Variants in RGS5 observed in about 807,000 individuals in gnomAD.
RGS5 encodes regulator of G-protein signalling 5.
RGS5 carries 20 observed loss-of-function variants against 18.9 expected under a neutral mutation model. The ratio of observed to expected loss-of-function variants is 1.06; its 90% CI spans 0.74 to 1.54. The LOEUF is 1.54. RGS5 is among the 40% of genes most tolerant of loss of function. The pLI is 0.00. For synonymous variants in RGS5, 57 were observed against 76.2 expected (o/e 0.75, Z 1.31); for missense variants, 201 against 211.8 (o/e 0.95, Z 0.32).
At chr1:163,246,470 C>G (rs539507900) in intron 2 of RGS5, among the ~76,000 whole-genome samples, 5 of 151,340 alleles carry the variant, frequency 3.3e-5, no homozygotes, top group African/African-American at 1.2e-4. Flanking sequence ...ACTCAGGACT[C>G]TGAGGCAGGA....
chr1:163,295,908 A>T (rs990441321), intron 2 of RGS5, among the ~76,000 whole-genome samples: 2 of 152,112 alleles, frequency 1.3e-5, no homozygotes, highest in African/African-American at 2.4e-5. Flanking sequence ...GCTAAGTATC[A>T]ATCTTTTTTT....
At chr1:163,195,963 G>A (rs1260393759) in intron 1 of RGS5, among the ~76,000 whole-genome samples, 2 of 152,154 alleles carry the variant, frequency 1.3e-5, no homozygotes, top group African/African-American at 2.4e-5. Flanking sequence ...AGGAAGTTAT[G>A]AGCACTGTTC....
Position 163,161,897 on chromosome 1 carries a change from C to T in RGS5, c.217+18G>A. 6.2e-7 allele frequency: 1 copy of T among 1,607,174 alleles called. No individual in the cohort carries two copies. The stretch of plus-strand genomic sequence containing the variant: ...CTAACCTGACCTTTATTTAAAAAAA[C>T]AAACAATGGAAACTTACAGTTGTTC... On this transcript the variant is annotated intron_variant, in intron 3 of 4. Coordinates refer to ENST00000313961, the MANE Select transcript of RGS5 (RefSeq NM_003617.4).
chr1:163,208,343 G>C (rs1418579824), intron 1 of RGS5, among the ~76,000 whole-genome samples: 2 of 32,024 alleles, frequency 6.2e-5, no homozygotes, highest in Non-Finnish European at 1.1e-4. Flanking sequence ...GCGAGACTCC[G>C]TCTCAAAAAA....
At chr1:163,216,673 G>A (rs753712514) in intron 1 of RGS5, among the ~76,000 whole-genome samples, 45 of 152,034 alleles carry the variant, frequency 3.0e-4, no homozygotes, top group Non-Finnish European at 5.7e-4. Context: ...CTCTAATACT[G>A]GATTCACTGA....
intron 2 of RGS5, among the ~76,000 whole-genome samples, chr1:163,227,001 A>C (rs1002444013): frequency 3.9e-5 from 6 of 152,212 alleles, no homozygotes; most frequent in African/African-American, 1.4e-4. Flanking sequence ...TACTCTCACA[A>C]CTTCCAGTGC....
At chr1:163,266,181 G>A (rs1429059080) in intron 2 of RGS5, among the ~76,000 whole-genome samples, 2 of 151,874 alleles carry the variant, frequency 1.3e-5, no homozygotes, top group East Asian at 1.9e-4. Flanking sequence ...CCCAGACCCC[G>A]GCATCTAAGT....
intron 1 of RGS5, among the ~76,000 whole-genome samples, chr1:163,172,019 G>A (rs1658323162): frequency 6.6e-6 from 1 of 152,174 alleles, no homozygotes; most frequent in Admixed American, 6.5e-5. Context: ...AGTCAGTTGG[G>A]CTAGAAAAGA....
At chr1:163,193,553 C>T (rs573101860) in intron 1 of RGS5, among the ~76,000 whole-genome samples, 2 of 152,206 alleles carry the variant, frequency 1.3e-5, no homozygotes, top group African/African-American at 4.8e-5. Context: ...ATGCATGCAT[C>T]CTATAATTAG....
rs561617857 is a variant in RGS5 at position 163,250,475 on chromosome 1, A to T, written c.-281+55758T>A. Among the ~76,000 whole-genome samples the T allele has an allele frequency of 2.0e-5, 3 of 152,320 alleles. No homozygotes were observed. In the East Asian group the frequency reaches 5.8e-4, roughly 29 times the overall value. On this transcript the variant is annotated intron_variant, in intron 2 of 5. Transcript: ENST00000618415. ...TTATAATTGAGTCATTACAGCTTTGAGATTAAATGATTTGTCTGCAAACAG... is the reference window on the plus strand; with the variant it reads ...TTATAATTGAGTCATTACAGCTTTGTGATTAAATGATTTGTCTGCAAACAG...
At chr1:163,270,049 T>C (rs1648676548) in intron 2 of RGS5, among the ~76,000 whole-genome samples, 1 of 152,204 alleles carries the variant, frequency 6.6e-6, no homozygotes, top group African/African-American at 2.4e-5. Context: ...CAGGCTAAAG[T>C]GCAGTGGCAT....
chr1:163,162,577 T>A (rs1023869439), intron 2 of RGS5, among the ~76,000 whole-genome samples: 4 of 152,228 alleles, frequency 2.6e-5, no homozygotes, highest in Non-Finnish European at 2.9e-5. Flanking sequence ...GACTTTTTTT[T>A]AAAGATTTAC....
At chr1:163,198,442 T>G (rs753748995) in intron 1 of RGS5, among the ~76,000 whole-genome samples, 1 of 152,138 alleles carries the variant, frequency 6.6e-6, no homozygotes, top group Non-Finnish European at 1.5e-5. Context: ...TGATGATATT[T>G]AGATTTTTGA....
chr1:163,150,189 T>G (rs1267443915), intron 4 of RGS5, among the ~76,000 whole-genome samples: 2 of 150,228 alleles, frequency 1.3e-5, no homozygotes, highest in East Asian at 1.9e-4. Context: ...TCATTTAGAA[T>G]GAAGGGCAAG....
At chr1:163,273,519 A>G (rs2101713565) in intron 2 of RGS5, among the ~76,000 whole-genome samples, 1 of 152,200 alleles carries the variant, frequency 6.6e-6, no homozygotes, top group East Asian at 1.9e-4. Context: ...TGGTTCTTTT[A>G]TATGATTTTT....
At chr1:163,257,668 G>A (rs1648315853) in intron 2 of RGS5, among the ~76,000 whole-genome samples, 1 of 152,138 alleles carries the variant, frequency 6.6e-6, no homozygotes, top group South Asian at 2.1e-4. Flanking sequence ...GTAACTAGAA[G>A]TGACATTTCC....
chr1:163,208,039 A>T (rs1659990384), intron 1 of RGS5, among the ~76,000 whole-genome samples: 1 of 152,184 alleles, frequency 6.6e-6, no homozygotes, highest in Non-Finnish European at 1.5e-5. Flanking sequence ...AATAAATGTA[A>T]ATGTGCATAA....
At position 163,142,817 on chromosome 1, in the gene RGS5, G is replaced by A. The variant is rs1557875009; in HGVS notation, c.*4525C>T. On this transcript the variant is annotated 3_prime_UTR_variant, in exon 5 of 5. Coordinates refer to ENST00000313961, the MANE Select transcript of RGS5 (RefSeq NM_003617.4). ...GGAAGGGAGGAACAGGGGCAAGGTG[G>A]GGAGGAAAAAAATACCTCAGGTGAG... The A allele has an allele frequency of 6.6e-6, 1 of 152,022 alleles. No homozygotes were observed. Among genetic ancestry groups the A allele is most frequent in the Non-Finnish European group, 1.5e-5 (1 of 68,012 alleles). 9.4% of individuals were successfully genotyped at this position (152,022 alleles called of 1,614,324 possible).
intron 2 of RGS5, among the ~76,000 whole-genome samples, chr1:163,226,425 A>G (rs945937850): frequency 6.6e-6 from 1 of 152,154 alleles, no homozygotes; most frequent in Non-Finnish European, 1.5e-5. Context: ...AAAAGTTTGA[A>G]TGAGTGGCCC....
Sources: allele counts gnomAD v4.1 joint callset (sites outside exome capture counted in the v4.1 genomes callset), GRCh38; gene constraint gnomAD v4.1.1; transcripts MANE v1.5; gene names NCBI Gene and HGNC (gene_info 2026-07-23, HGNC 2026-07-21).